The following ELMO1 variants were observed in gnomAD, a reference collection of about 807,000 sequenced individuals.
ELMO1 encodes engulfment and cell motility protein 1.
ELMO1 carries 26 observed loss-of-function variants against 98.9 expected under a neutral mutation model. The observed-to-expected ratio is 0.26, with a 90% CI of 0.19 to 0.36. ELMO1 has a LOEUF of 0.36. ELMO1 is among the 10% of genes least tolerant of loss of function. The probability of loss-of-function intolerance (pLI) is 1.00; values close to 1 mark genes in which losing one functional copy is unlikely to be tolerated. For synonymous variants in ELMO1, 346 were observed against 346.0 expected, an observed-to-expected ratio of 1.00 and a Z score of 0.00; for missense variants, 627 against 935.2, an observed-to-expected ratio of 0.67 and a Z score of 4.30.
intron 15 of ELMO1, among the ~76,000 whole-genome samples, chr7:37,073,514 C>A (rs1797391370): frequency 6.6e-6 from 1 of 151,680 alleles, no homozygotes; most frequent in Non-Finnish European, 1.5e-5. Context: ...TTCCCATTTT[C>A]TAAAACTTCT....
intron 13 of ELMO1, among the ~76,000 whole-genome samples, chr7:37,201,944 C>A (rs911432902): frequency 6.6e-5 from 10 of 152,168 alleles, no homozygotes; most frequent in Admixed American, 5.9e-4. Flanking sequence ...GAGGAACAGG[C>A]ACATCTCTGT....
At chr7:37,251,784 TCA>T in intron 6 of ELMO1, among the ~76,000 whole-genome samples, 1 of 152,282 alleles carries the variant, frequency 6.6e-6, no homozygotes, top group Admixed American at 6.5e-5. Flanking sequence ...AGACAGTAAG[TCA>T]AATTGTCTCT....
chr7:36,981,448 C>T (rs111437392), intron 16 of ELMO1, among the ~76,000 whole-genome samples: 8 of 152,122 alleles, frequency 5.3e-5, no homozygotes, highest in African/African-American at 1.7e-4. Context: ...ACTGAAAGAA[C>T]TATTTAGTCA....
intron 1 of ELMO1, among the ~76,000 whole-genome samples, chr7:37,396,444 T>A (rs1393974394): frequency 2.0e-5 from 3 of 152,018 alleles, no homozygotes; most frequent in Non-Finnish European, 4.4e-5. Flanking sequence ...ATTAATATAG[T>A]CCCTGAAAGA....
At chr7:37,042,541 G>C (rs1279522276) in intron 15 of ELMO1, among the ~76,000 whole-genome samples, 1 of 152,158 alleles carries the variant, frequency 6.6e-6, no homozygotes, top group Non-Finnish European at 1.5e-5. Flanking sequence ...TTTGGGCCCG[G>C]TCAGCTGTAA....
At chr7:37,240,042 T>TC (rs201453531) in intron 7 of ELMO1, among the ~76,000 whole-genome samples, 1,623 of 128,230 alleles carry the variant, frequency 0.013, 21 homozygotes, top group African/African-American at 0.047. Flanking sequence ...CTTTTTTTTT[T>TC]TCTTTTTTTT....
intron 5 of ELMO1, among the ~76,000 whole-genome samples, chr7:37,268,187 A>G (rs1796361123): frequency 6.6e-6 from 1 of 152,204 alleles, no homozygotes; most frequent in Non-Finnish European, 1.5e-5. Flanking sequence ...AGCTATTATG[A>G]TCATGGCAGG....
At chr7:37,146,457 T>C (rs1046290611) in intron 13 of ELMO1, among the ~76,000 whole-genome samples, 2 of 152,118 alleles carry the variant, frequency 1.3e-5, no homozygotes, top group African/African-American at 4.8e-5. Context: ...GTACTAGGTG[T>C]TGGATTGGGC....
chr7:36,861,526 C>T, intron 21 of ELMO1, 133 bp downstream of exon 21: 1 of 1,005,508 alleles, frequency 9.9e-7, no homozygotes, highest in African/African-American at 1.6e-5. Context: ...CTATTCTCCT[C>T]CAAGTCAGCA....
chr7:36,932,308 G>T (rs1160063090), intron 16 of ELMO1, among the ~76,000 whole-genome samples: 3 of 152,080 alleles, frequency 2.0e-5, no homozygotes, highest in Admixed American at 6.5e-5. Context: ...ATCAATTCAG[G>T]ACTGGGCGAT....
At chr7:36,935,720 G>A (rs1786471357) in intron 16 of ELMO1, among the ~76,000 whole-genome samples, 1 of 152,088 alleles carries the variant, frequency 6.6e-6, no homozygotes, top group African/African-American at 2.4e-5. Flanking sequence ...CACAGCTGAG[G>A]GTTTTGAAGG....
At chr7:37,282,564 C>A (rs950663056) in intron 4 of ELMO1, among the ~76,000 whole-genome samples, 2 of 152,042 alleles carry the variant, frequency 1.3e-5, no homozygotes, top group Non-Finnish European at 1.5e-5. Context: ...GACTACGGAT[C>A]GACCGTTAAG....
intron 16 of ELMO1, chr7:36,984,953 G>A (rs73117524): frequency 0.032 from 31,930 of 985,342 alleles, 593 homozygotes; most frequent in Middle Eastern, 0.088. Flanking sequence ...AACTCGTCTG[G>A]AATCCTGCTC....
intron 2 of ELMO1, among the ~76,000 whole-genome samples, chr7:37,321,282 T>C (rs1198609445): frequency 6.6e-6 from 1 of 152,214 alleles, no homozygotes; most frequent in Non-Finnish European, 1.5e-5. Flanking sequence ...ATGGACTTTT[T>C]AGTTAACATT....
At chr7:37,220,593 T>C (rs545102429) in intron 10 of ELMO1, among the ~76,000 whole-genome samples, 36 of 152,234 alleles carry the variant, frequency 2.4e-4, no homozygotes, top group Non-Finnish European at 4.7e-4. Context: ...CATTCCATTA[T>C]ATTACCATTA....
At chr7:37,434,283 C>T (rs893057180) in intron 1 of ELMO1, among the ~76,000 whole-genome samples, 1 of 152,108 alleles carries the variant, frequency 6.6e-6, no homozygotes, top group Non-Finnish European at 1.5e-5. Context: ...AAAGTGAAGT[C>T]TGGGACCACG....
intron 4 of ELMO1, among the ~76,000 whole-genome samples, chr7:37,309,849 T>C (rs1798806306): frequency 6.6e-6 from 1 of 152,228 alleles, no homozygotes. Context: ...CAGGCCTTCA[T>C]CCTTGCTTAC....
intron 1 of ELMO1, among the ~76,000 whole-genome samples, chr7:37,406,882 C>G (rs948279478): frequency 6.6e-6 from 1 of 152,128 alleles, no homozygotes; most frequent in Non-Finnish European, 1.5e-5. Flanking sequence ...AAGATAGATA[C>G]CCACATTCAC....
At chr7:36,962,998 C>A (rs536084792) in intron 16 of ELMO1, among the ~76,000 whole-genome samples, 1 of 152,142 alleles carries the variant, frequency 6.6e-6, no homozygotes, top group Admixed American at 6.5e-5. Flanking sequence ...TTTCTAATAG[C>A]GTACAACTGA....
Sources: gnomAD v4.1 joint callset for allele counts (sites outside exome capture counted in the v4.1 genomes callset) on GRCh38, gnomAD v4.1.1 for gene constraint, MANE v1.5 for transcripts, NCBI Gene and HGNC (gene_info 2026-07-23, HGNC 2026-07-21) for gene names.